Variants in ZNF71 observed in about 807,000 individuals in gnomAD.
ZNF71 encodes the protein zinc finger protein 71.
Under a neutral mutation model 6.7 loss-of-function variants are expected in ZNF71, and 3 were observed. The observed-to-expected ratio is 0.45, with a 90% CI of 0.20 to 1.16. The LOEUF is 1.16. ZNF71 is among the 50% of genes most tolerant of loss of function. The probability of loss-of-function intolerance (pLI) is 0.25; values close to 1 mark genes in which losing one functional copy is unlikely to be tolerated. For missense variants in ZNF71, 688 were observed against 728.6 expected, an observed-to-expected ratio of 0.94 and a Z score of 0.64; for synonymous variants, 343 against 311.1, an observed-to-expected ratio of 1.10 and a Z score of -1.08.
Position 56,621,916 on chromosome 19 carries a change from G to T in ZNF71, c.809G>T (p.Gly270Val). The change falls in exon 4 of 4, where the codon GGC becomes GTC. Residue 270 changes from glycine (G) to valine (V), a missense_variant. Transcript: ENST00000599599. Reference sequence around the variant, plus strand: ...ACTGTGCACCAGCGCACGCACACGGGCGAGAAGCCGTATGTGTGCGACGTG... The same window carrying T: ...ACTGTGCACCAGCGCACGCACACGGTCGAGAAGCCGTATGTGTGCGACGTG... ...NLTVHQRTHT[G>V]EKPYVCDVCG... 6.2e-7 allele frequency: 1 copy of T among 1,613,470 alleles called. No homozygotes were observed.
chr19:56,606,425 A>G (rs1223552099), intron 2 of ZNF71, among the ~76,000 whole-genome samples: 1 of 152,086 alleles, frequency 6.6e-6, no homozygotes, highest in Non-Finnish European at 1.5e-5. Flanking sequence ...AAAATTATAA[A>G]TTAATCAGTT....
Position 56,601,520 on chromosome 19 carries a change from C to T in ZNF71, c.-39C>T, listed in dbSNP as rs149812033. ...TTCTCCCTACAGCACTGTTGGTCAC[C>T]GCAGGCCTGTCTTCCTATTCACCGT... is the stretch of plus-strand genomic sequence containing the variant. On this transcript the variant is annotated 5_prime_UTR_variant, in exon 2 of 4. Coordinates refer to ENST00000599599, the MANE Select transcript of ZNF71 (RefSeq NM_001370215.1). 56 of 985,696 alleles carry T rather than the reference C, an allele frequency of 5.7e-5. No homozygotes were observed. Among genetic ancestry groups the T allele is most frequent in the Non-Finnish European group, 6.0e-5 (50 of 829,992 alleles). 61.1% of individuals were successfully genotyped at this position (985,696 alleles called of 1,614,324 possible).
At chr19:56,601,376 T>C (rs1861223) in intron 1 of ZNF71, 131 bp from the exon 2 acceptor site, 115,080 of 165,566 alleles carry the variant, frequency 0.7, 40,606 homozygotes, top group East Asian at 1. Context: ...TCACTGTTGA[T>C]GTATGTGTAT....
rs555494265 is a variant in ZNF71, at chr19:56,598,078, G to C, written c.-53+2650G>C. ...CTGGGGGCTTCTGTTCTCATGGAGG[G>C]AAGACAGATGACAAACTTGAAAACA... On this transcript the variant is annotated intron_variant, in intron 1 of 3. Coordinates refer to ENST00000599599, the MANE Select transcript of ZNF71 (RefSeq NM_001370215.1). The surrounding 1 kb of genome is among the most constrained non-coding windows in gnomAD (Gnocchi z 4.2). Among the ~76,000 whole-genome samples, 3 of 152,210 alleles carry C rather than the reference G, an allele frequency of 2.0e-5. No homozygotes were observed. Among genetic ancestry groups the C allele is most frequent in the African/African-American group, 4.8e-5 (2 of 41,448 alleles).
Position 56,621,752 on chromosome 19 carries a change from A to G in ZNF71, c.645A>G (p.Glu215=). Residue 215 remains glutamate (E), a synonymous_variant, in exon 4 of 4, where the codon GAA becomes GAG. Transcript: ENST00000599599. The part of the protein sequence containing the change: ...LIKHQRIHTG[E]KPFECDTCGK... The stretch of plus-strand genomic sequence containing the variant: ...AGCACCAAAGGATCCACACGGGAGA[A>G]AAGCCGTTTGAGTGTGACACCTGTG... 6.2e-7 allele frequency: 1 copy of G among 1,613,590 alleles called. No homozygotes were observed. The highest frequency in any genetic ancestry group is 8.5e-7 in the Non-Finnish European group (1 of 1,179,894).
In ZNF71 at chr19:56,621,488, C is replaced by T. The variant is rs767159157; in HGVS notation, c.381C>T (p.Leu127=). ...EPLGIPQGNK[L]LGGSVPACHE... ...TGGGAATTCCCCAGGGGAACAAACT[C>T]TTAGGGGGCTCAGTACCCGCATGTC... The change falls in exon 4 of 4, where the codon CTC becomes CTT. Residue 127 remains leucine, a synonymous_variant. Transcript: ENST00000599599. The T allele has an allele frequency of 6.2e-7, 1 of 1,614,110 alleles. No homozygotes were observed. Among genetic ancestry groups the T allele is most frequent in the Non-Finnish European group, 8.5e-7 (1 of 1,179,998 alleles).
intron 3 of ZNF71, among the ~76,000 whole-genome samples, chr19:56,614,584 G>A (rs1451506861): frequency 6.6e-6 from 1 of 152,234 alleles, no homozygotes; most frequent in Non-Finnish European, 1.5e-5. Flanking sequence ...CTATCGATAT[G>A]TTGGAAACCA....
At chr19:56,610,128 AT>A (rs2044740614) in intron 2 of ZNF71, 1 of 152,112 alleles carries the variant, frequency 6.6e-6, no homozygotes, top group Admixed American at 6.5e-5. Flanking sequence ...CTCTGTTTTC[AT>A]TTTTCTTAGA....
At chr19:56,609,882 C>G (rs1032055964) in intron 2 of ZNF71, 1 of 151,852 alleles carries the variant, frequency 6.6e-6, no homozygotes, top group African/African-American at 2.4e-5. Context: ...TGGATTTTGC[C>G]TATTCCGGAC....
chr19:56,612,654 G>A (rs1412398761), intron 2 of ZNF71, among the ~76,000 whole-genome samples: 1 of 152,066 alleles, frequency 6.6e-6, no homozygotes, highest in African/African-American at 2.4e-5. Context: ...GGTGAGGGGT[G>A]AAAAACTACA....
chr19:56,601,302 G>T (rs561266869), intron 1 of ZNF71, among the ~76,000 whole-genome samples: 103 of 152,202 alleles, frequency 6.8e-4, no homozygotes, highest in African/African-American at 2.4e-3. Flanking sequence ...CTACCTTCCA[G>T]GATGGTTGGA....
rs748721124 is a variant in ZNF71, at chr19:56,621,458, G to A, written c.351G>A (p.Glu117=). ...GGGGAGATGCAGGTGCAGAGTGGGAGCCATTGGGAATTCCCCAGGGGAACA... is the reference window on the plus strand; with the variant it reads ...GGGGAGATGCAGGTGCAGAGTGGGAACCATTGGGAATTCCCCAGGGGAACA... ...RPRGDAGAEW[E]PLGIPQGNKL... The change falls in exon 4 of 4, where the codon GAG becomes GAA. Residue 117 remains glutamate, a synonymous_variant. Transcript: ENST00000599599. 15 of 1,613,994 alleles carry A rather than the reference G, an allele frequency of 9.3e-6. No homozygotes were observed. The highest frequency in any genetic ancestry group is 2.2e-5 in the South Asian group (2 of 91,064).
rs1380024024 is a variant in ZNF71 at position 56,621,758 on chromosome 19, G to T, written c.651G>T (p.Pro217=). Reference sequence around the variant, plus strand: ...AAAGGATCCACACGGGAGAAAAGCCGTTTGAGTGTGACACCTGTGGGAAGC... The same window carrying T: ...AAAGGATCCACACGGGAGAAAAGCCTTTTGAGTGTGACACCTGTGGGAAGC... The part of the protein sequence containing the change: ...KHQRIHTGEK[P]FECDTCGKHF... The change falls in exon 4 of 4, where the codon CCG becomes CCT. Residue 217 remains proline (P), a synonymous_variant. Coordinates refer to ENST00000599599, the MANE Select transcript of ZNF71 (RefSeq NM_001370215.1). The T allele has an allele frequency of 6.2e-7, 1 of 1,613,876 alleles. No individual in the cohort carries two copies. Among genetic ancestry groups the T allele is most frequent in the South Asian group, 1.1e-5 (1 of 91,066 alleles).
Position 56,621,636 on chromosome 19 carries a change from C to T in ZNF71, c.529C>T (p.Leu177Phe). Residue 177 changes from leucine (L) to phenylalanine (F), a missense_variant, in exon 4 of 4, where the codon CTC becomes TTC. Transcript: ENST00000599599. ...RGKNFSSTSD[L>F]SKPPMPCEEK... Reference sequence around the variant, plus strand: ...CAAGAACTTCTCCAGCACTTCAGACCTCAGTAAGCCCCCCATGCCCTGCGA... The same window carrying T: ...CAAGAACTTCTCCAGCACTTCAGACTTCAGTAAGCCCCCCATGCCCTGCGA... The T allele has an allele frequency of 6.2e-7, 1 of 1,614,214 alleles. No homozygotes were observed. The highest frequency in any genetic ancestry group is 8.5e-7 in the Non-Finnish European group (1 of 1,180,026).
At chr19:56,607,773 T>G (rs563200148) in intron 2 of ZNF71, among the ~76,000 whole-genome samples, 5 of 152,220 alleles carry the variant, frequency 3.3e-5, no homozygotes, top group Non-Finnish European at 7.3e-5. Context: ...ACTCAGTTGC[T>G]TAAAGCAACA....
chr19:56,597,806 G>A (rs980947910), intron 1 of ZNF71, among the ~76,000 whole-genome samples: 3 of 152,024 alleles, frequency 2.0e-5, no homozygotes, highest in Non-Finnish European at 2.9e-5. Flanking sequence ...TTTTATTGGT[G>A]TGGGCAGATT....
Position 56,598,329 on chromosome 19 carries a change from T to G in ZNF71, c.-53+2901T>G, listed in dbSNP as rs2044641658. ...TGGGGCCAAGCATGGGAGAGGGGAG[T>G]AGAGGAGATGGAAGGGGAGAGGCCA... On this transcript the variant is annotated intron_variant, in intron 1 of 3. Transcript: ENST00000599599. The surrounding 1 kb of genome is among the most constrained non-coding windows in gnomAD (Gnocchi z 4.2). Among the ~76,000 whole-genome samples the G allele has an allele frequency of 4.7e-5, 7 of 148,658 alleles. No individual in the cohort carries two copies. Among genetic ancestry groups the G allele is most frequent in the African/African-American group, 1.0e-4 (4 of 40,200 alleles).
chr19:56,619,353 C>T (rs1385547239), intron 3 of ZNF71, among the ~76,000 whole-genome samples: 1 of 152,152 alleles, frequency 6.6e-6, no homozygotes, highest in African/African-American at 2.4e-5. Flanking sequence ...CTCTGTTCTA[C>T]CGTCTGTCTC....
chr19:56,611,998 C>A (rs924327405), intron 2 of ZNF71, among the ~76,000 whole-genome samples: 1 of 152,200 alleles, frequency 6.6e-6, no homozygotes, highest in African/African-American at 2.4e-5. Flanking sequence ...AAAACCACAA[C>A]ACCACCTTAC....
Sources: allele counts gnomAD v4.1 joint callset (sites outside exome capture counted in the v4.1 genomes callset), GRCh38; gene constraint gnomAD v4.1.1; non-coding constraint Gnocchi (gnomAD v3.1); transcripts MANE v1.5; gene names NCBI Gene and HGNC (gene_info 2026-07-23, HGNC 2026-07-21).